FILIP1L: variants seen among roughly 807,000 people sequenced by gnomAD.
FILIP1L encodes filamin A-interacting protein 1-like.
A neutral mutation model predicts 96.6 loss-of-function variants in FILIP1L; 55 were observed. That is an observed-to-expected ratio of 0.57 (90% CI 0.46 to 0.71). FILIP1L has a LOEUF of 0.71. Among genes scored for constraint, FILIP1L ranks in the 30% least tolerant of loss-of-function variants. FILIP1L has a pLI of 0.00. For missense variants in FILIP1L, 1,304 were observed against 1,321.2 expected (o/e 0.99, Z 0.20); for synonymous variants, 467 against 473.9 (o/e 0.99, Z 0.19).
At chr3:100,022,472 A>C (rs1243847514) in intron 1 of FILIP1L, among the ~76,000 whole-genome samples, 1 of 152,214 alleles carries the variant, frequency 6.6e-6, no homozygotes, top group South Asian at 2.1e-4. Flanking sequence ...ACATCCCATT[A>C]CAGAAACAGC....
At chr3:100,068,904 A>C (rs1008213555) in intron 1 of FILIP1L, among the ~76,000 whole-genome samples, 1 of 152,038 alleles carries the variant, frequency 6.6e-6, no homozygotes, top group Non-Finnish European at 1.5e-5. Context: ...CACAGGTACC[A>C]CTCCCAAGAA....
intron 1 of FILIP1L, among the ~76,000 whole-genome samples, chr3:100,112,006 A>G (rs886414878): frequency 6.6e-6 from 1 of 152,200 alleles, no homozygotes; most frequent in African/African-American, 2.4e-5. Context: ...ATTCACTGTT[A>G]TAATCCCAAT....
intron 1 of FILIP1L, among the ~76,000 whole-genome samples, chr3:100,057,085 G>A (rs2065478219): frequency 6.6e-6 from 1 of 152,174 alleles, no homozygotes; most frequent in Non-Finnish European, 1.5e-5. Context: ...GCAGGCTCAG[G>A]GCAGGAGATT....
At chr3:99,901,955 A>G (rs1477172736) in intron 4 of FILIP1L, among the ~76,000 whole-genome samples, 1 of 152,136 alleles carries the variant, frequency 6.6e-6, no homozygotes, top group Non-Finnish European at 1.5e-5. Flanking sequence ...GCTGATAATG[A>G]TGCCAATAAA....
At chr3:100,007,383 A>G (rs1443692424) in intron 1 of FILIP1L, among the ~76,000 whole-genome samples, 1 of 152,276 alleles carries the variant, frequency 6.6e-6, no homozygotes, top group East Asian at 1.9e-4. Context: ...GATTTTTGCC[A>G]TGGCTCGCTA....
intron 5 of FILIP1L, among the ~76,000 whole-genome samples, chr3:99,834,620 G>A (rs1324390825): frequency 6.6e-6 from 1 of 152,124 alleles, no homozygotes; most frequent in Non-Finnish European, 1.5e-5. Context: ...TTATCCATCT[G>A]TGAACTTTTT....
At chr3:99,989,085 G>T (rs533484698) in intron 1 of FILIP1L, among the ~76,000 whole-genome samples, 3 of 152,132 alleles carry the variant, frequency 2.0e-5, no homozygotes, top group Admixed American at 2.0e-4. Context: ...TTTGTTTTGT[G>T]ATTCACTCAC....
intron 1 of FILIP1L, among the ~76,000 whole-genome samples, chr3:100,005,758 T>C (rs1709969099): frequency 6.6e-6 from 1 of 152,140 alleles, no homozygotes; most frequent in East Asian, 1.9e-4. Context: ...AGGAAGAGTG[T>C]TGTGAATTCA....
chr3:99,835,573 G>A (rs1942864051), intron 5 of FILIP1L, among the ~76,000 whole-genome samples: 1 of 152,198 alleles, frequency 6.6e-6, no homozygotes, highest in East Asian at 1.9e-4. Context: ...AGCCTGTTAG[G>A]ATGCAGAATC....
intron 1 of FILIP1L, among the ~76,000 whole-genome samples, chr3:100,015,720 C>T (rs1387046432): frequency 6.6e-6 from 1 of 152,174 alleles, no homozygotes; most frequent in Non-Finnish European, 1.5e-5. Context: ...TTTTTGCTTT[C>T]ATCAAGCTGT....
chr3:100,065,822 A>G lies in FILIP1L; in HGVS notation c.-11+48231T>C, dbSNP rs2065654023. Reference sequence around the variant, plus strand: ...AATACTAATTCAATTCCATCAATAAATGTTTATTGGCCAGGTATCATTTAC... The same window carrying G: ...AATACTAATTCAATTCCATCAATAAGTGTTTATTGGCCAGGTATCATTTAC... On this transcript the variant is annotated intron_variant, in intron 1 of 5. Transcript: ENST00000477258. Among the ~76,000 whole-genome samples the G allele has an allele frequency of 2.6e-5, 4 of 152,272 alleles. No homozygotes were observed. In the South Asian group the frequency reaches 8.3e-4, roughly 32 times the overall value.
At position 99,963,744 on chromosome 3, in the gene FILIP1L, G is replaced by C. The variant is rs115351606; in HGVS notation, c.-10-32714C>G. Among the ~76,000 whole-genome samples, 254 of 152,064 alleles carry C rather than the reference G, an allele frequency of 1.7e-3. No individual in the cohort carries two copies. The Middle Eastern group carries it at 0.031, about 18-fold the overall frequency. On this transcript the variant is annotated intron_variant, in intron 1 of 5. Coordinates refer to ENST00000477258, the MANE Select transcript of FILIP1L (RefSeq NM_001387850.1). The stretch of plus-strand genomic sequence containing the variant: ...CAATTCTCCTGTCTCAGCTTCCTGA[G>C]TAGCTGGGGATTACAGGCACACGCC...
intron 1 of FILIP1L, among the ~76,000 whole-genome samples, chr3:99,952,796 A>G (rs1409246688): frequency 2.6e-5 from 4 of 152,222 alleles, no homozygotes; most frequent in African/African-American, 9.6e-5. Context: ...AAGAAACACA[A>G]GAAAACGTGT....
intron 4 of FILIP1L, among the ~76,000 whole-genome samples, chr3:99,884,951 A>C (rs1413008909): frequency 6.6e-6 from 1 of 152,160 alleles, no homozygotes; most frequent in African/African-American, 2.4e-5. Flanking sequence ...TTTGCTAAGG[A>C]AATTTCTTCT....
intron 1 of FILIP1L, among the ~76,000 whole-genome samples, chr3:100,060,662 C>G (rs1340025215): frequency 6.6e-6 from 1 of 151,998 alleles, no homozygotes; most frequent in African/African-American, 2.4e-5. Flanking sequence ...TGAGACCAGC[C>G]TGGGCAATAT....
chr3:99,925,480 C>G (rs1707262286), intron 3 of FILIP1L, among the ~76,000 whole-genome samples: 1 of 152,172 alleles, frequency 6.6e-6, no homozygotes, highest in South Asian at 2.1e-4. Flanking sequence ...GGAAACAAAA[C>G]AAGCAAGCAA....
At chr3:99,867,722 G>A (rs1361487809) in intron 4 of FILIP1L, among the ~76,000 whole-genome samples, 2 of 152,116 alleles carry the variant, frequency 1.3e-5, no homozygotes, top group Non-Finnish European at 1.5e-5. Flanking sequence ...AATCTTTAGA[G>A]TCCTTTCCTC....
intron 5 of FILIP1L, among the ~76,000 whole-genome samples, chr3:99,840,226 T>TTTTC (rs1433439224): frequency 1.3e-4 from 19 of 143,766 alleles, no homozygotes; most frequent in African/African-American, 4.9e-4. Context: ...AGAATCTTTT[T>TTTTC]TTTTTTTTTT....
rs1345005141 is a variant in FILIP1L, at chr3:99,948,305, CAACATAGT to C, written c.-10-17283_-10-17276del. Among the ~76,000 whole-genome samples the C allele has an allele frequency of 6.6e-5, 10 of 151,644 alleles. 1 individual carries two copies. The South Asian group carries it at 1.9e-3, about 29-fold the overall frequency. On this transcript the variant is annotated intron_variant, in intron 1 of 5. Transcript: ENST00000477258. ...CCCCGGAGTTTGAGATCAGCCTTAGCAACATAGTGAGACTGTCTCTCCAAAAAAATAAA... is the reference window on the plus strand; with the variant it reads ...CCCCGGAGTTTGAGATCAGCCTTAGCGAGACTGTCTCTCCAAAAAAATAAA...
Sources: gnomAD v4.1 joint callset for allele counts (sites outside exome capture counted in the v4.1 genomes callset) on GRCh38, gnomAD v4.1.1 for gene constraint, MANE v1.5 for transcripts, NCBI Gene and HGNC (gene_info 2026-07-23, HGNC 2026-07-21) for gene names.